Variants in MBTPS1 observed in about 807,000 individuals in gnomAD.
MBTPS1 encodes membrane bound transcription factor peptidase, site 1.
Under a neutral mutation model 127.8 loss-of-function variants are expected in MBTPS1, and 94 were observed. The observed-to-expected ratio is 0.74, with a 90% CI of 0.62 to 0.87. The LOEUF (loss-of-function observed/expected upper bound fraction) is 0.87, where lower values mean the gene tolerates loss of function less well. Ranked by LOEUF, MBTPS1 falls within the 40% of genes least tolerant of loss-of-function variation. The pLI is 0.00. For synonymous variants in MBTPS1, 632 were observed against 509.4 expected, an observed-to-expected ratio of 1.24 and a Z score of -3.24; for missense variants, 1,636 against 1,353.2, an observed-to-expected ratio of 1.21 and a Z score of -3.28.
chr16:84,093,171 G>C lies in MBTPS1; in HGVS notation c.846+17C>G, dbSNP rs1260070056. Reference sequence around the variant, plus strand: ...AGTATGAATTCCTCAAGTTTCAGGAGTCCTCAAAACACCTACCTGATTATT... The same window carrying C: ...AGTATGAATTCCTCAAGTTTCAGGACTCCTCAAAACACCTACCTGATTATT... On this transcript the variant is annotated intron_variant, in intron 6 of 22. Transcript: ENST00000343411. 6.6e-7 allele frequency: 1 copy of C among 1,509,718 alleles called. No individual in the cohort carries two copies. Among genetic ancestry groups the C allele is most frequent in the African/African-American group, 1.4e-5 (1 of 72,876 alleles). 93.5% of individuals were successfully genotyped at this position (1,509,718 alleles called of 1,614,324 possible).
chr16:84,084,914 C>T, intron 10 of MBTPS1, 69 bp downstream of exon 10: 2 of 1,535,422 alleles, frequency 1.3e-6, no homozygotes, highest in Non-Finnish European at 1.8e-6. Context: ...GACACGACTC[C>T]TGCTCTGCTG....
chr16:84,067,393 C>G (rs1749805400), intron 16 of MBTPS1, among the ~76,000 whole-genome samples: 1 of 152,176 alleles, frequency 6.6e-6, no homozygotes, highest in African/African-American at 2.4e-5. Flanking sequence ...CTCTCTGACA[C>G]CCAGGCTGGA....
intron 20 of MBTPS1, 84 bp from the exon 21 acceptor site, chr16:84,059,512 T>C: frequency 3.9e-6 from 5 of 1,280,468 alleles, no homozygotes; most frequent in African/African-American, 2.9e-5. Context: ...TTATTATGAG[T>C]CTGTCTGCTT....
intron 1 of MBTPS1, among the ~76,000 whole-genome samples, chr16:84,114,190 T>C (rs961275893): frequency 1.6e-4 from 24 of 151,988 alleles, no homozygotes; most frequent in Admixed American, 5.2e-4. Flanking sequence ...CTCAATCTCC[T>C]GACCTCGTGA....
At chr16:84,097,997 A>G (rs2086201887) in intron 3 of MBTPS1, among the ~76,000 whole-genome samples, 1 of 152,142 alleles carries the variant, frequency 6.6e-6, no homozygotes, top group African/African-American at 2.4e-5. Flanking sequence ...ATAATAACAG[A>G]ACTAGAAATT....
Position 84,054,374 on chromosome 16 carries a change from C to A in MBTPS1, c.*75G>T. ...ACTGGATCCCTTTTAAACCAGCCGCCACCACAGCTCGGCTCACCCACCAGC... is the reference window on the plus strand; with the variant it reads ...ACTGGATCCCTTTTAAACCAGCCGCAACCACAGCTCGGCTCACCCACCAGC... On this transcript the variant is annotated 3_prime_UTR_variant, in exon 23 of 23. Coordinates refer to ENST00000343411, the MANE Select transcript of MBTPS1 (RefSeq NM_003791.4). 7.3e-7 allele frequency: 1 copy of A among 1,365,152 alleles called. No homozygotes were observed. Among genetic ancestry groups the A allele is most frequent in the Non-Finnish European group, 9.8e-7 (1 of 1,018,724 alleles). 84.6% of individuals were successfully genotyped at this position (1,365,152 alleles called of 1,614,324 possible).
chr16:84,079,917 C>T (rs776198203), intron 11 of MBTPS1, among the ~76,000 whole-genome samples: 1 of 152,308 alleles, frequency 6.6e-6, no homozygotes, highest in East Asian at 1.9e-4. Flanking sequence ...GTGAGCACAG[C>T]AGCTTGGAGC....
rs573712209 is a variant in MBTPS1 at position 84,084,618 on chromosome 16, GAA to G, written c.1286+363_1286+364del. Among the ~76,000 whole-genome samples, 74 of 152,264 alleles carry G rather than the reference GAA, an allele frequency of 4.9e-4. 2 individuals carry two copies. Among genetic ancestry groups the G allele is most frequent in the African/African-American group, 1.6e-3 (68 of 41,538 alleles). On this transcript the variant is annotated intron_variant, in intron 10 of 22. Transcript: ENST00000343411. ...AAGGAAATGGAGGATATATGGCAGGGAAATATCTTACTATTTGTTCCCTGCCT... is the reference window on the plus strand; with the variant it reads ...AAGGAAATGGAGGATATATGGCAGGGATATCTTACTATTTGTTCCCTGCCT...
intron 11 of MBTPS1, among the ~76,000 whole-genome samples, chr16:84,078,407 A>T (rs1597323971): frequency 1.6e-5 from 1 of 61,398 alleles, no homozygotes; most frequent in African/African-American, 7.2e-5. Flanking sequence ...ACCTTACCTA[A>T]CAGAGCTACC....
intron 18 of MBTPS1, among the ~76,000 whole-genome samples, chr16:84,064,617 G>A (rs928847080): frequency 6.6e-6 from 1 of 151,958 alleles, no homozygotes; most frequent in African/African-American, 2.4e-5. Flanking sequence ...CTCCCAGAGG[G>A]TACAAGCCAA....
At chr16:84,084,896 AGAAGCAAGACACGACTCCTGCTCTGCTG>A in intron 10 of MBTPS1, 59 bp downstream of exon 10, 1 of 1,440,572 alleles carries the variant, frequency 6.9e-7, no homozygotes, top group African/African-American at 1.4e-5. Flanking sequence ...AAGACAGGGC[AGAAGCAAGACACGACTCCTGCTCTGCTG>A]GCACCGAGTG....
rs534019166 is a variant in MBTPS1 at position 84,069,874 on chromosome 16, A to C, written c.1947T>G (p.Pro649=). Residue 649 remains proline, a synonymous_variant, in exon 14 of 23, where the codon CCT becomes CCG. Coordinates refer to ENST00000343411, the MANE Select transcript of MBTPS1 (RefSeq NM_003791.4). ...TCCTGTGAGGTGCTTACCAGTCTAA[A>C]GGGTCATTCTTCATCCTTAAATTAT... ...PRDNLRMKND[P]LDWNGDHIHT... is the part of the protein sequence containing the mutation. 6.2e-7 allele frequency: 1 copy of C among 1,613,820 alleles called. No homozygotes were observed.
intron 15 of MBTPS1, 134 bp downstream of exon 15, chr16:84,068,204 TC>T (rs1312124915): frequency 8.9e-6 from 6 of 671,540 alleles, no homozygotes. Context: ...CGCCCCAGGC[TC>T]ACCCAGCTGT....
intron 12 of MBTPS1, among the ~76,000 whole-genome samples, chr16:84,072,715 G>A (rs890376713): frequency 2.6e-5 from 4 of 152,148 alleles, no homozygotes; most frequent in African/African-American, 4.8e-5. Flanking sequence ...GCGTGAACCC[G>A]GGAGACGGAG....
At chr16:84,107,753 G>A (rs983538730) in intron 1 of MBTPS1, among the ~76,000 whole-genome samples, 26 of 151,124 alleles carry the variant, frequency 1.7e-4, no homozygotes, top group Non-Finnish European at 3.2e-4. Flanking sequence ...CACCCAGGGT[G>A]GAGGACAGTG....
At chr16:84,067,929 A>C in intron 15 of MBTPS1, 106 bp from the exon 16 acceptor site, 1 of 1,122,862 alleles carries the variant, frequency 8.9e-7, no homozygotes, top group Non-Finnish European at 1.3e-6. Context: ...ACTGACACCT[A>C]ACAGTCTGGT....
chr16:84,065,635 G>T (rs774068533), intron 18 of MBTPS1, 55 bp downstream of exon 18: 3 of 1,139,156 alleles, frequency 2.6e-6, no homozygotes, highest in Non-Finnish European at 4.0e-6. Context: ...GAGAAGCGGG[G>T]GAAAAGGGAG....
intron 7 of MBTPS1, 72 bp from the exon 8 acceptor site, chr16:84,091,014 A>C (rs1405772553): frequency 8.7e-6 from 9 of 1,030,390 alleles, no homozygotes; most frequent in East Asian, 2.4e-5. Context: ...AAAAAAAAAA[A>C]ACCATACACA....
At chr16:84,059,762 T>A (rs1054096822) in intron 20 of MBTPS1, 2 of 172,906 alleles carry the variant, frequency 1.2e-5, no homozygotes, top group Non-Finnish European at 2.4e-5. Context: ...TACAGACCGG[T>A]TTCATGGAAA....
Sources: gnomAD v4.1 joint callset for allele counts (sites outside exome capture counted in the v4.1 genomes callset) on GRCh38, gnomAD v4.1.1 for gene constraint, MANE v1.5 for transcripts, NCBI Gene and HGNC (gene_info 2026-07-23, HGNC 2026-07-21) for gene names.